The following SLC25A17 variants were observed in gnomAD, a reference collection of about 807,000 sequenced individuals.
The protein encoded by SLC25A17 is peroxisomal membrane protein PMP34.
SLC25A17 carries 26 observed loss-of-function variants against 38.5 expected under a neutral mutation model. That is an observed-to-expected ratio of 0.68 (90% CI 0.50 to 0.94). SLC25A17 has a LOEUF of 0.94. Ranked by LOEUF, SLC25A17 falls within the 40% of genes least tolerant of loss-of-function variation. SLC25A17 has a pLI of 0.00. For missense variants in SLC25A17, 333 were observed against 372.7 expected (o/e 0.89, Z 0.88); for synonymous variants, 139 against 136.2 (o/e 1.02, Z -0.14).
At chr22:40,801,339 C>G (rs1056241412) in intron 1 of SLC25A17, among the ~76,000 whole-genome samples, 3 of 151,732 alleles carry the variant, frequency 2.0e-5, no homozygotes, top group African/African-American at 7.3e-5. Context: ...ATTGGTTGTT[C>G]AGTCCTCTAG....
intron 1 of SLC25A17, among the ~76,000 whole-genome samples, chr22:40,818,589 C>T (rs2057664661): frequency 6.6e-6 from 1 of 151,650 alleles, no homozygotes; most frequent in South Asian, 2.1e-4. Flanking sequence ...ACCTGCAGTC[C>T]CAGCTACTCA....
chr22:40,800,266 C>T (rs1474457355), intron 1 of SLC25A17, among the ~76,000 whole-genome samples: 1 of 152,072 alleles, frequency 6.6e-6, no homozygotes, highest in Non-Finnish European at 1.5e-5. Context: ...AGGGATGAAA[C>T]TATATACATG....
chr22:40,814,374 G>A (rs1008271803), intron 1 of SLC25A17, among the ~76,000 whole-genome samples: 1 of 152,056 alleles, frequency 6.6e-6, no homozygotes, highest in African/African-American at 2.4e-5. Context: ...CACTCTCCCC[G>A]GACTGGTTAG....
rs1267470458 is a variant in SLC25A17 at position 40,794,572 on chromosome 22, T to C, written c.124A>G (p.Lys42Glu). The C allele has an allele frequency of 1.9e-6, 3 of 1,608,668 alleles. No individual in the cohort carries two copies. Among genetic ancestry groups the C allele is most frequent in the African/African-American group, 1.3e-5 (1 of 74,798 alleles). The change falls in exon 3 of 9, where the codon AAA (lysine) becomes GAA (glutamate). Residue 42 changes from lysine (K) to glutamate (E), a missense_variant. Lys to Glu is a moderately conservative substitution (Grantham distance 56). Transcript: ENST00000435456. ...ATGTGTGTAGTTTTGGATTTTCTTTTCTCATCAACTACAAGACCAAACAGT... is the reference window on the plus strand; with the variant it reads ...ATGTGTGTAGTTTTGGATTTTCTTTCCTCATCAACTACAAGACCAAACAGT... ...TARLRLQVDE[K>E]RKSKTTHMVL...
At position 40,799,128 on chromosome 22, in the gene SLC25A17, T is replaced by A. The variant is rs775433150; in HGVS notation, c.55-45A>T. 14 of 1,520,714 alleles carry A rather than the reference T, an allele frequency of 9.2e-6. No homozygotes were observed. In the Admixed American group the frequency reaches 2.5e-4, roughly 27 times the overall value. The allele number at this position is 1,520,714 out of a possible 1,614,324, so 94.2% of individuals were successfully genotyped here. Reference sequence around the variant, plus strand: ...CCATTACAGCATCACAAACATAGTTTAAGTCACAACTTTTTTTTTTTGAGA... The same window carrying A: ...CCATTACAGCATCACAAACATAGTTAAAGTCACAACTTTTTTTTTTTGAGA... On this transcript the variant is annotated intron_variant, in intron 1 of 8. Coordinates refer to ENST00000435456, the MANE Select transcript of SLC25A17 (RefSeq NM_006358.4).
intron 4 of SLC25A17, among the ~76,000 whole-genome samples, chr22:40,784,882 T>C (rs756882274): frequency 6.6e-5 from 10 of 151,528 alleles, no homozygotes; most frequent in Non-Finnish European, 1.2e-4. Context: ...GTGCCAATCA[T>C]AGAGTTTCAG....
chr22:40,791,578 A>G (rs1263605838), intron 4 of SLC25A17, among the ~76,000 whole-genome samples: 1 of 152,202 alleles, frequency 6.6e-6, no homozygotes, highest in East Asian at 1.9e-4. Flanking sequence ...AAAATAGACA[A>G]AGAACCAGAA....
At chr22:40,807,994 T>C (rs1313828620) in intron 1 of SLC25A17, among the ~76,000 whole-genome samples, 1 of 152,150 alleles carries the variant, frequency 6.6e-6, no homozygotes, top group Non-Finnish European at 1.5e-5. Context: ...CACTCATTTT[T>C]TTCCCCTGAG....
intron 4 of SLC25A17, among the ~76,000 whole-genome samples, chr22:40,780,799 T>C (rs2057286629): frequency 6.6e-6 from 1 of 152,190 alleles, no homozygotes; most frequent in Non-Finnish European, 1.5e-5. Flanking sequence ...AAAAATTTTC[T>C]TCATTTAAGA....
intron 1 of SLC25A17, among the ~76,000 whole-genome samples, chr22:40,809,630 C>CA (rs1048143340): frequency 1.1e-3 from 157 of 144,638 alleles, no homozygotes; most frequent in African/African-American, 3.0e-3. Flanking sequence ...GACCCTGTCT[C>CA]AAAAAAAAAA....
At chr22:40,796,087 C>A (rs2057426994) in intron 2 of SLC25A17, among the ~76,000 whole-genome samples, 1 of 152,092 alleles carries the variant, frequency 6.6e-6, no homozygotes, top group South Asian at 2.1e-4. Context: ...CCACACCCGG[C>A]CTAAAATTCA....
chr22:40,804,448 A>T (rs958704182), intron 1 of SLC25A17, among the ~76,000 whole-genome samples: 1 of 151,960 alleles, frequency 6.6e-6, no homozygotes, highest in Non-Finnish European at 1.5e-5. Flanking sequence ...GCATTTCTCT[A>T]ATGATTAGTG....
rs1602595452 is a variant in SLC25A17, at chr22:40,783,167, G to A, written c.335-4042C>T. ...ACTCTCAACCTTCAGAAAAAGAGAA[G>A]ACCTACAATCAGAGAATCTCACAAT... On this transcript the variant is annotated intron_variant, in intron 4 of 8. Coordinates refer to ENST00000435456, the MANE Select transcript of SLC25A17 (RefSeq NM_006358.4). Among the ~76,000 whole-genome samples, 5 of 152,312 alleles carry A rather than the reference G, an allele frequency of 3.3e-5. No homozygotes were observed. The East Asian group carries it at 9.6e-4, about 29-fold the overall frequency.
intron 7 of SLC25A17, among the ~76,000 whole-genome samples, chr22:40,775,743 G>A (rs1156848270): frequency 2.0e-5 from 3 of 152,088 alleles, no homozygotes; most frequent in Non-Finnish European, 4.4e-5. Flanking sequence ...GATTACAGGC[G>A]TGAGCCACCG....
At position 40,770,927 on chromosome 22, in the gene SLC25A17, T is replaced by C. The variant is rs1380250549; in HGVS notation, c.831A>G (p.Thr277=). The part of the protein sequence containing the change: ...YKGLEAKLLQ[T]VLTAALMFLV... ...GGAACATGAGAGCAGCAGTGAGGAC[T>C]GTCTGCAGCAGTTTGGCTTCAAGGC... Residue 277 remains threonine (T), a synonymous_variant, in exon 9 of 9, where the codon ACA becomes ACG. Coordinates refer to ENST00000435456, the MANE Select transcript of SLC25A17 (RefSeq NM_006358.4). The C allele has an allele frequency of 2.5e-6, 4 of 1,612,550 alleles. No individual in the cohort carries two copies. The African/African-American group carries it at 5.3e-5, about 22-fold the overall frequency.
rs746322370 is a variant in SLC25A17 at position 40,774,025 on chromosome 22, GA to G, written c.694-7del. The G allele has an allele frequency of 6.3e-7, 1 of 1,597,150 alleles. No homozygotes were observed. Among genetic ancestry groups the G allele is most frequent in the South Asian group, 1.1e-5 (1 of 90,194 alleles). ...TTTAGTCTATGACGCCCAAACTGAG[GA>G]AAGAGGGAAAAAAAACAAAAGTACT... On this transcript the variant is annotated splice_region_variant and splice_polypyrimidine_tract_variant and intron_variant, in intron 7 of 8. Transcript: ENST00000435456.
intron 2 of SLC25A17, among the ~76,000 whole-genome samples, chr22:40,795,038 C>T (rs796221813): frequency 9.9e-5 from 15 of 152,246 alleles, no homozygotes; most frequent in African/African-American, 3.6e-4. Context: ...CAGGCGTGAG[C>T]CACCATACCC....
At chr22:40,780,693 G>A (rs1202179777) in intron 4 of SLC25A17, among the ~76,000 whole-genome samples, 1 of 152,178 alleles carries the variant, frequency 6.6e-6, no homozygotes, top group Admixed American at 6.5e-5. Context: ...CAGGACCAGA[G>A]ATCACAAGCT....
chr22:40,799,930 T>C (rs954556809), intron 1 of SLC25A17, among the ~76,000 whole-genome samples: 2 of 152,206 alleles, frequency 1.3e-5, no homozygotes, highest in African/African-American at 4.8e-5. Context: ...GCAAATGGAT[T>C]TTTAACCTTC....
Sources: allele counts gnomAD v4.1 joint callset (sites outside exome capture counted in the v4.1 genomes callset), GRCh38; gene constraint gnomAD v4.1.1; transcripts MANE v1.5; gene names NCBI Gene and HGNC (gene_info 2026-07-23, HGNC 2026-07-21).